Variants in LIMCH1 observed in about 807,000 individuals in gnomAD.
LIMCH1 encodes LIM and calponin homology domains-containing protein 1.
In LIMCH1, 113 loss-of-function variants were observed where a neutral mutation model predicts 176.5. That is an observed-to-expected ratio of 0.64 (90% CI 0.55 to 0.75). LIMCH1 has a LOEUF of 0.75. LIMCH1 is among the 30% of genes least tolerant of loss of function. LIMCH1 has a pLI of 0.00. For synonymous variants in LIMCH1, 619 were observed against 645.9 expected, an observed-to-expected ratio of 0.96 and a Z score of 0.63; for missense variants, 1,674 against 1,814.9, an observed-to-expected ratio of 0.92 and a Z score of 1.41.
chr4:41,572,347 AATTACC>A (rs1416083425), intron 1 of LIMCH1, among the ~76,000 whole-genome samples: 2 of 152,154 alleles, frequency 1.3e-5, no homozygotes, highest in Non-Finnish European at 2.9e-5. Flanking sequence ...GATTTAGGGG[AATTACC>A]ATTGGATTTG....
chr4:41,485,910 T>C (rs2069448167), intron 1 of LIMCH1, among the ~76,000 whole-genome samples: 1 of 151,986 alleles, frequency 6.6e-6, no homozygotes, highest in African/African-American at 2.4e-5. Context: ...AAAAAGACAA[T>C]AGAATGCAGG....
intron 1 of LIMCH1, among the ~76,000 whole-genome samples, chr4:41,557,104 A>T (rs941743607): frequency 6.6e-6 from 1 of 152,168 alleles, no homozygotes; most frequent in Non-Finnish European, 1.5e-5. Flanking sequence ...TTGCTTGACA[A>T]TCTTGACACA....
intron 1 of LIMCH1, among the ~76,000 whole-genome samples, chr4:41,586,552 A>G (rs141775652): frequency 6.6e-6 from 1 of 152,322 alleles, no homozygotes; most frequent in East Asian, 1.9e-4. Context: ...AATATGATAG[A>G]TAGTTTAAGC....
At chr4:41,448,876 C>T (rs1162165352) in intron 1 of LIMCH1, among the ~76,000 whole-genome samples, 11 of 151,992 alleles carry the variant, frequency 7.2e-5, no homozygotes, top group African/African-American at 1.2e-4. Flanking sequence ...TGAGCATGTA[C>T]CCCCAATTTA....
At chr4:41,531,519 C>G (rs913809017) in intron 3 of LIMCH1, among the ~76,000 whole-genome samples, 1 of 141,064 alleles carries the variant, frequency 7.1e-6, no homozygotes, top group Admixed American at 7.0e-5. Flanking sequence ...CACACACATA[C>G]ACACCTTATA....
chr4:41,635,014 G>C (rs916821429), intron 13 of LIMCH1, among the ~76,000 whole-genome samples: 3 of 152,170 alleles, frequency 2.0e-5, no homozygotes, highest in Non-Finnish European at 4.4e-5. Flanking sequence ...GATACATTTA[G>C]GCGCTCTCCC....
At chr4:41,690,676 TA>T (rs576397389) in intron 30 of LIMCH1, among the ~76,000 whole-genome samples, 13 of 152,194 alleles carry the variant, frequency 8.5e-5, no homozygotes, top group Non-Finnish European at 1.8e-4. Flanking sequence ...GCCTATAAGC[TA>T]AGAGAAAGTC....
upstream of LIMCH1, among the ~76,000 whole-genome samples, chr4:41,534,947 G>T (rs1259090218): frequency 2.0e-5 from 3 of 151,990 alleles, no homozygotes; most frequent in Non-Finnish European, 2.9e-5. Flanking sequence ...GATCGCTTGA[G>T]CCCAGGAGTT....
intron 1 of LIMCH1, among the ~76,000 whole-genome samples, chr4:41,595,525 C>G (rs940326848): frequency 6.6e-6 from 1 of 152,118 alleles, no homozygotes; most frequent in Non-Finnish European, 1.5e-5. Flanking sequence ...AAAATGGAGA[C>G]AATAACAGTA....
chr4:41,382,546 GAATT>G (rs2055841238), intron 1 of LIMCH1, among the ~76,000 whole-genome samples: 1 of 152,138 alleles, frequency 6.6e-6, no homozygotes. Context: ...CATAAGGCCT[GAATT>G]AGGGAATTAG....
chr4:41,630,518 C>T (rs572094747), intron 9 of LIMCH1, among the ~76,000 whole-genome samples: 2 of 152,198 alleles, frequency 1.3e-5, no homozygotes, highest in Middle Eastern at 6.8e-3. Context: ...CTAAGATTTT[C>T]TTATGCCCTT....
chr4:41,431,083 C>T (rs1447489522), intron 1 of LIMCH1, among the ~76,000 whole-genome samples: 1 of 152,244 alleles, frequency 6.6e-6, no homozygotes, highest in Non-Finnish European at 1.5e-5. Context: ...CCATCCTCCT[C>T]AGATGCATTT....
At chr4:41,365,726 A>G (rs1232140050) in intron 1 of LIMCH1, among the ~76,000 whole-genome samples, 1 of 152,246 alleles carries the variant, frequency 6.6e-6, no homozygotes, top group African/African-American at 2.4e-5. Flanking sequence ...AATGACATTT[A>G]AATAGTCTAG....
chr4:41,396,045 G>T (rs541550608), intron 1 of LIMCH1, among the ~76,000 whole-genome samples: 1 of 152,196 alleles, frequency 6.6e-6, no homozygotes, highest in Non-Finnish European at 1.5e-5. Flanking sequence ...AGAGCTCCCC[G>T]GTAATGGGAA....
At chr4:41,675,156 G>T (rs986647767) in intron 22 of LIMCH1, among the ~76,000 whole-genome samples, 2 of 152,160 alleles carry the variant, frequency 1.3e-5, no homozygotes, top group African/African-American at 4.8e-5. Flanking sequence ...ATATATTAAA[G>T]TTCTAAATAT....
At chr4:41,528,856 T>G (rs539619658) in intron 3 of LIMCH1, among the ~76,000 whole-genome samples, 22 of 152,350 alleles carry the variant, frequency 1.4e-4, no homozygotes, top group African/African-American at 5.3e-4. Context: ...TAGGTGTATT[T>G]TAGCCCCTGA....
At chr4:41,363,668 G>A (rs1233149923) in intron 1 of LIMCH1, among the ~76,000 whole-genome samples, 5 of 152,160 alleles carry the variant, frequency 3.3e-5, no homozygotes, top group Admixed American at 1.3e-4. Flanking sequence ...CCGTGTTACT[G>A]GGCAGGAAAT....
intron 7 of LIMCH1, among the ~76,000 whole-genome samples, chr4:41,623,584 C>G (rs2092735742): frequency 6.6e-6 from 1 of 152,046 alleles, no homozygotes; most frequent in Non-Finnish European, 1.5e-5. Flanking sequence ...ATAGTGAAAC[C>G]CTGTCTCCAC....
chr4:41,593,776 A>G (rs1345206175), intron 1 of LIMCH1, among the ~76,000 whole-genome samples: 1 of 152,234 alleles, frequency 6.6e-6, no homozygotes, highest in African/African-American at 2.4e-5. Flanking sequence ...AATTATTTTA[A>G]CAGAGACCAC....
Sources: allele counts gnomAD v4.1 joint callset (sites outside exome capture counted in the v4.1 genomes callset), GRCh38; gene constraint gnomAD v4.1.1; transcripts MANE v1.5; gene names NCBI Gene and HGNC (gene_info 2026-07-23, HGNC 2026-07-21).